The following DNAJC24 variants were observed in gnomAD, a reference collection of about 807,000 sequenced individuals.
DNAJC24 encodes dnaJ homolog subfamily C member 24.
Under a neutral mutation model 18.0 loss-of-function variants are expected in DNAJC24, and 17 were observed. The ratio of observed to expected loss-of-function variants is 0.94; its 90% CI spans 0.65 to 1.42. DNAJC24 has a LOEUF of 1.42. DNAJC24 is among the 40% of genes most tolerant of loss of function. DNAJC24 has a pLI of 0.00. For synonymous variants in DNAJC24, 55 were observed against 57.7 expected (o/e 0.95, Z 0.21); for missense variants, 158 against 175.6 (o/e 0.90, Z 0.57).
At chr11:31,396,470 A>G (rs1952543595) in intron 2 of DNAJC24, 1 of 297,680 alleles carries the variant, frequency 3.4e-6, no homozygotes, top group Non-Finnish European at 6.7e-6. Flanking sequence ...AGGTTAAGAC[A>G]GACTGCTCTC....
At chr11:31,415,041 A>AACAATAACACTTGGTG in intron 3 of DNAJC24, 92 bp downstream of exon 3, 1 of 1,405,896 alleles carries the variant, frequency 7.1e-7, no homozygotes, top group Non-Finnish European at 9.6e-7. Flanking sequence ...CAGCATTTGC[A>AACAATAACACTTGGTG]CCAAGTGTTA....
intron 2 of DNAJC24, among the ~76,000 whole-genome samples, chr11:31,387,013 C>A (rs910091058): frequency 1.3e-5 from 2 of 152,112 alleles, no homozygotes; most frequent in African/African-American, 4.8e-5. Context: ...ACTCCTTCTG[C>A]ATGAGGAAAA....
chr11:31,385,555 G>A (rs192268809), intron 2 of DNAJC24, among the ~76,000 whole-genome samples: 1 of 152,084 alleles, frequency 6.6e-6, no homozygotes, highest in Non-Finnish European at 1.5e-5. Context: ...AATCCCCCTG[G>A]GAGTTAAGTA....
chr11:31,423,405 C>T (rs969340354), intron 3 of DNAJC24, among the ~76,000 whole-genome samples: 5 of 152,126 alleles, frequency 3.3e-5, no homozygotes, highest in South Asian at 4.1e-4. Flanking sequence ...GGACTGCAGG[C>T]GCACACCACC....
At chr11:31,412,484 G>C (rs1025012537) in intron 2 of DNAJC24, among the ~76,000 whole-genome samples, 1 of 152,098 alleles carries the variant, frequency 6.6e-6, no homozygotes, top group African/African-American at 2.4e-5. Flanking sequence ...ACAATTCTTA[G>C]TGTAGTGTTA....
intron 3 of DNAJC24, among the ~76,000 whole-genome samples, chr11:31,423,401 C>T (rs2133503960): frequency 6.6e-6 from 1 of 152,290 alleles, no homozygotes; most frequent in African/African-American, 2.4e-5. Flanking sequence ...GCTAGGACTG[C>T]AGGCGCACAC....
chr11:31,399,151 C>T (rs775730694), intron 2 of DNAJC24, among the ~76,000 whole-genome samples: 1 of 152,018 alleles, frequency 6.6e-6, no homozygotes, highest in African/African-American at 2.4e-5. Flanking sequence ...GTTTTTATAT[C>T]TTATGTGCAG....
At chr11:31,408,124 T>C (rs1432960368) in intron 2 of DNAJC24, 17 of 456,046 alleles carry the variant, frequency 3.7e-5, no homozygotes, top group African/African-American at 2.0e-4. Flanking sequence ...TTGGATTTTT[T>C]CCCCCTCTTT....
At chr11:31,392,335 T>C (rs1952504931) in intron 2 of DNAJC24, among the ~76,000 whole-genome samples, 1 of 152,160 alleles carries the variant, frequency 6.6e-6, no homozygotes, top group South Asian at 2.1e-4. Flanking sequence ...ATGTGTTGTG[T>C]GCCGGTATCA....
intron 2 of DNAJC24, among the ~76,000 whole-genome samples, chr11:31,393,299 A>G (rs1413708727): frequency 6.6e-6 from 1 of 152,174 alleles, no homozygotes; most frequent in East Asian, 1.9e-4. Context: ...AATGGGGCAC[A>G]TAGGAGCCTT....
intron 2 of DNAJC24, among the ~76,000 whole-genome samples, chr11:31,407,135 C>G (rs1952664237): frequency 6.6e-6 from 1 of 152,146 alleles, no homozygotes; most frequent in Admixed American, 6.5e-5. Flanking sequence ...TCTATTAATA[C>G]ATAGGGAAAA....
chr11:31,424,029 A>G (rs867491209), intron 3 of DNAJC24, among the ~76,000 whole-genome samples: 2 of 152,184 alleles, frequency 1.3e-5, no homozygotes, highest in African/African-American at 4.8e-5. Context: ...TGCACATGAA[A>G]TAGTAACTAT....
intron 2 of DNAJC24, among the ~76,000 whole-genome samples, chr11:31,407,901 C>A: frequency 2.0e-5 from 3 of 149,856 alleles, no homozygotes; most frequent in East Asian, 2.0e-4. Flanking sequence ...CAAATTATGC[C>A]CCTCTCTTAA....
At chr11:31,421,931 G>T (rs766180681) in intron 3 of DNAJC24, 24 of 435,966 alleles carry the variant, frequency 5.5e-5, no homozygotes, top group Non-Finnish European at 9.6e-5. Flanking sequence ...CAGTGTGAAA[G>T]AATCTCCGTA....
chr11:31,408,284 A>G (rs529068219), intron 2 of DNAJC24: 2 of 436,440 alleles, frequency 4.6e-6, no homozygotes, highest in African/African-American at 2.0e-5. Context: ...TTGCTTGGAG[A>G]GCTTGGTGAA....
intron 2 of DNAJC24, among the ~76,000 whole-genome samples, chr11:31,371,707 T>A (rs1484376955): frequency 6.6e-6 from 1 of 151,976 alleles, no homozygotes; most frequent in Non-Finnish European, 1.5e-5. Context: ...TTGTTTCTCT[T>A]GCATTTTACT....
intron 2 of DNAJC24, among the ~76,000 whole-genome samples, chr11:31,411,144 G>A (rs1952704989): frequency 6.6e-6 from 1 of 152,122 alleles, no homozygotes; most frequent in African/African-American, 2.4e-5. Context: ...CACAGGATAG[G>A]TCAGATTTAG....
intron 3 of DNAJC24, 38 bp from the exon 4 acceptor site, chr11:31,426,249 A>G: frequency 7.8e-7 from 1 of 1,287,026 alleles, no homozygotes; most frequent in Non-Finnish European, 1.1e-6. Flanking sequence ...TTAAAGTATC[A>G]TGTTTTACAA....
Position 31,430,475 on chromosome 11 carries a change from A to T in DNAJC24, c.*74A>T. 7.5e-7 allele frequency: 1 copy of T among 1,338,598 alleles called. No individual in the cohort carries two copies. The highest frequency in any genetic ancestry group is 1.0e-6 in the Non-Finnish European group (1 of 997,972). 82.9% of individuals were successfully genotyped at this position (1,338,598 alleles called of 1,614,324 possible). ...AGAAGCCGTTGAGCTTTGTCCATTC[A>T]AGGAAATGGATTATTTGTCAGCCCG... On this transcript the variant is annotated 3_prime_UTR_variant, in exon 5 of 5. Transcript: ENST00000465995.
Sources: gnomAD v4.1 joint callset for allele counts (sites outside exome capture counted in the v4.1 genomes callset) on GRCh38, gnomAD v4.1.1 for gene constraint, MANE v1.5 for transcripts, NCBI Gene and HGNC (gene_info 2026-07-23, HGNC 2026-07-21) for gene names.